The following PCCA variants were observed in gnomAD, a reference collection of about 807,000 sequenced individuals.
PCCA encodes propionyl-CoA carboxylase alpha chain, mitochondrial.
A neutral mutation model predicts 101.3 loss-of-function variants in PCCA; 74 were observed. The ratio of observed to expected loss-of-function variants is 0.73; its 90% CI spans 0.61 to 0.89. PCCA has a LOEUF of 0.89. PCCA is among the 40% of genes least tolerant of loss of function. PCCA has a pLI of 0.00. For missense variants in PCCA, 891 were observed against 907.0 expected (o/e 0.98, Z 0.23); for synonymous variants, 294 against 313.6 (o/e 0.94, Z 0.66).
chr13:100,396,661 C>A (rs1595738642), intron 19 of PCCA, among the ~76,000 whole-genome samples: 2 of 152,228 alleles, frequency 1.3e-5, no homozygotes, highest in Middle Eastern at 6.8e-3. Flanking sequence ...AAAAATAAGA[C>A]AAAAAATAAA....
chr13:100,103,103 T>C, intron 2 of PCCA, 143 bp downstream of exon 2: 1 of 654,488 alleles, frequency 1.5e-6, no homozygotes. Context: ...TGTGTTTCTA[T>C]AGGTGCTCAG....
At position 100,158,430 on chromosome 13, in the gene PCCA, A is replaced by C. The variant is rs564781032; in HGVS notation, c.468+1090A>C. Reference sequence around the variant, plus strand: ...TAAGATCACAGAATTGTCTATTTGAACCACCTTGCTTTGTGGGTCCAAAAC... The same window carrying C: ...TAAGATCACAGAATTGTCTATTTGACCCACCTTGCTTTGTGGGTCCAAAAC... On this transcript the variant is annotated intron_variant, in intron 6 of 23. Coordinates refer to ENST00000376285, the MANE Select transcript of PCCA (RefSeq NM_000282.4). Among the ~76,000 whole-genome samples, 9 of 152,326 alleles carry C rather than the reference A, an allele frequency of 5.9e-5. No individual in the cohort carries two copies. In the South Asian group the frequency reaches 1.9e-3, roughly 32 times the overall value.
At chr13:100,199,491 T>C (rs2058338456) in intron 6 of PCCA, among the ~76,000 whole-genome samples, 2 of 152,214 alleles carry the variant, frequency 1.3e-5, no homozygotes, top group African/African-American at 4.8e-5. Flanking sequence ...TTGACTTAGC[T>C]CACTGCATGG....
intron 6 of PCCA, among the ~76,000 whole-genome samples, chr13:100,201,286 C>T (rs2152463646): frequency 6.6e-6 from 1 of 152,044 alleles, no homozygotes; most frequent in South Asian, 2.1e-4. Flanking sequence ...TTTTAGTTTC[C>T]TGAAGCTCAT....
intron 6 of PCCA, among the ~76,000 whole-genome samples, chr13:100,177,710 C>A (rs1049284660): frequency 6.6e-6 from 1 of 151,688 alleles, no homozygotes; most frequent in East Asian, 1.9e-4. Flanking sequence ...AACATAAGGA[C>A]GAAAAAAATC....
intron 10 of PCCA, among the ~76,000 whole-genome samples, chr13:100,266,742 G>T (rs1050309200): frequency 6.6e-6 from 1 of 152,056 alleles, no homozygotes; most frequent in Non-Finnish European, 1.5e-5. Context: ...TCTCTTTGTG[G>T]CATAAACCAG....
At chr13:100,106,511 A>G (rs1430958586) in intron 2 of PCCA, among the ~76,000 whole-genome samples, 2 of 152,196 alleles carry the variant, frequency 1.3e-5, no homozygotes, top group East Asian at 3.9e-4. Flanking sequence ...TCCGAGTTCA[A>G]GCGATTCTCC....
At chr13:100,320,802 A>C (rs2067946648) in intron 16 of PCCA, among the ~76,000 whole-genome samples, 1 of 152,150 alleles carries the variant, frequency 6.6e-6, no homozygotes, top group Non-Finnish European at 1.5e-5. Flanking sequence ...CCTAGGCTGG[A>C]GTGCAGTGGC....
chr13:100,151,077 T>C (rs1451641021), intron 4 of PCCA: 1 of 1,526,268 alleles, frequency 6.6e-7, no homozygotes, highest in Non-Finnish European at 9.1e-7. Flanking sequence ...AGCTCCTGGA[T>C]GTACTCGTAT....
At chr13:100,399,640 C>T (rs944989403) in intron 19 of PCCA, among the ~76,000 whole-genome samples, 1 of 152,160 alleles carries the variant, frequency 6.6e-6, no homozygotes, top group African/African-American at 2.4e-5. Context: ...GCAGTCTTAT[C>T]AGAAAGCAAA....
chr13:100,136,499 G>C (rs765490029), intron 4 of PCCA, among the ~76,000 whole-genome samples: 1 of 152,078 alleles, frequency 6.6e-6, no homozygotes, highest in Non-Finnish European at 1.5e-5. Flanking sequence ...AAATTGTTCA[G>C]AATTCTCCAG....
At chr13:100,358,174 A>G (rs1384086039) in intron 18 of PCCA, among the ~76,000 whole-genome samples, 1 of 152,244 alleles carries the variant, frequency 6.6e-6, no homozygotes. Flanking sequence ...GCAAAACCAA[A>G]TAGTTCCTAG....
chr13:100,356,987 A>T (rs978521381), intron 18 of PCCA, among the ~76,000 whole-genome samples: 1 of 152,214 alleles, frequency 6.6e-6, no homozygotes, highest in Non-Finnish European at 1.5e-5. Flanking sequence ...AAATTTTCCC[A>T]GAATAAGCAA....
intron 21 of PCCA, among the ~76,000 whole-genome samples, chr13:100,467,640 GA>G (rs1488921587): frequency 6.6e-6 from 1 of 152,188 alleles, no homozygotes; most frequent in African/African-American, 2.4e-5. Flanking sequence ...AAAGTGCTGG[GA>G]TTACAGGCGT....
At chr13:100,370,633 A>G (rs983670795) in intron 19 of PCCA, among the ~76,000 whole-genome samples, 4 of 152,180 alleles carry the variant, frequency 2.6e-5, no homozygotes, top group Non-Finnish European at 4.4e-5. Context: ...TCAATAGCCC[A>G]ATGAAAGGCA....
At chr13:100,173,721 A>G (rs934104918) in intron 6 of PCCA, among the ~76,000 whole-genome samples, 5 of 139,820 alleles carry the variant, frequency 3.6e-5, no homozygotes, top group African/African-American at 1.3e-4. Flanking sequence ...TCCCCACCCA[A>G]ATCTCATCTT....
chr13:100,463,296 A>T (rs2082288976), intron 21 of PCCA, among the ~76,000 whole-genome samples: 1 of 151,404 alleles, frequency 6.6e-6, no homozygotes, highest in South Asian at 2.1e-4. Context: ...TTGAAAGAAG[A>T]ATCATAATCT....
At chr13:100,279,464 A>G (rs2063914625) in intron 12 of PCCA, among the ~76,000 whole-genome samples, 1 of 152,044 alleles carries the variant, frequency 6.6e-6, no homozygotes, top group Non-Finnish European at 1.5e-5. Context: ...TCTTTCTGAT[A>G]TTGTTTAAAC....
chr13:100,220,426 A>AT (rs34275910), intron 7 of PCCA, among the ~76,000 whole-genome samples: 61,193 of 132,450 alleles, frequency 0.46, 14,486 homozygotes, highest in East Asian at 0.76. Context: ...TGCCTGACTA[A>AT]TTTTTTTTTT....
Sources: gnomAD v4.1 joint callset for allele counts (sites outside exome capture counted in the v4.1 genomes callset) on GRCh38, gnomAD v4.1.1 for gene constraint, MANE v1.5 for transcripts, NCBI Gene and HGNC (gene_info 2026-07-23, HGNC 2026-07-21) for gene names.